The following SRGAP2 variants were observed in gnomAD, a reference collection of about 807,000 sequenced individuals.
SRGAP2 encodes the protein SLIT-ROBO Rho GTPase-activating protein 2.
In SRGAP2, 15 loss-of-function variants were observed where a neutral mutation model predicts 57.2. That is an observed-to-expected ratio of 0.26 (90% CI 0.18 to 0.40). SRGAP2 has a LOEUF of 0.40. SRGAP2 is among the 10% of genes least tolerant of loss of function. SRGAP2 has a pLI of 1.00. For missense variants in SRGAP2, 520 were observed against 669.6 expected (o/e 0.78, Z 2.47); for synonymous variants, 249 against 248.0 (o/e 1.00, Z -0.04).
At chr1:206,365,537 C>T (rs1427822237) in intron 4 of SRGAP2, among the ~76,000 whole-genome samples, 3 of 145,200 alleles carry the variant, frequency 2.1e-5, no homozygotes, top group African/African-American at 5.2e-5. Context: ...GATAGATTGT[C>T]TGAGTTCCCT....
chr1:206,332,989 T>G (rs1674484364), intron 3 of SRGAP2, among the ~76,000 whole-genome samples: 1 of 151,660 alleles, frequency 6.6e-6, no homozygotes, highest in South Asian at 2.1e-4. Context: ...GGGTTTTCGG[T>G]GTGGATGTCC....
intron 4 of SRGAP2, among the ~76,000 whole-genome samples, chr1:206,373,050 C>CTT (rs1654847174): frequency 9.4e-6 from 1 of 106,840 alleles, no homozygotes; most frequent in Non-Finnish European, 1.9e-5. Context: ...CTCTCTCTTT[C>CTT]TCTCTCTCTC....
rs1248282692 is a variant in SRGAP2 at position 206,333,191 on chromosome 1, G to A, written c.261-9655G>A. ...TCTCAGATCTCCAGCTGCGTGCTGG[G>A]AGAACCACTGCTCTCTTCAAAGCTC... On this transcript the variant is annotated intron_variant, in intron 3 of 22. Coordinates refer to ENST00000573034, the MANE Select transcript of SRGAP2 (RefSeq NM_015326.5). 22 of 482,514 alleles carry A rather than the reference G, an allele frequency of 4.6e-5. No homozygotes were observed. In the East Asian group the frequency reaches 8.2e-4, roughly 18 times the overall value. 29.9% of individuals were successfully genotyped at this position (482,514 alleles called of 1,614,324 possible). A position where few individuals can be genotyped will look rare whatever the true frequency, so the allele number is the denominator to read the frequency against.
chr1:206,449,286 A>ATTTTTTTGTTTTTTTTTTTTTT (rs1489255492), intron 18 of SRGAP2, among the ~76,000 whole-genome samples: 10 of 110,680 alleles, frequency 9.0e-5, no homozygotes, highest in Admixed American at 1.8e-4. Context: ...ACACTGGATG[A>ATTTTTTTGTTTTTTTTTTTTTT]TTTTTTTTTT....
intron 2 of SRGAP2, among the ~76,000 whole-genome samples, chr1:206,241,623 G>A (rs1333735295): frequency 1.1e-4 from 16 of 151,900 alleles, no homozygotes; most frequent in African/African-American, 3.1e-4. Context: ...TTCTACTTCC[G>A]AAGCAGTATG....
intron 22 of SRGAP2, 144 bp from the exon 23 acceptor site, chr1:206,460,893 A>G (rs1409153525): frequency 2.1e-6 from 1 of 480,712 alleles, no homozygotes; most frequent in Non-Finnish European, 3.7e-6. Flanking sequence ...CTGAGCATTC[A>G]TATGTTCAAA....
intron 8 of SRGAP2, among the ~76,000 whole-genome samples, chr1:206,404,495 C>G (rs1553356841): frequency 4.6e-5 from 7 of 151,130 alleles, no homozygotes; most frequent in Non-Finnish European, 1.5e-5. Flanking sequence ...CCTTCTGCTC[C>G]TCATCTGTCA....
At chr1:206,213,686 G>T (rs1464983051) in intron 2 of SRGAP2, among the ~76,000 whole-genome samples, 1 of 152,150 alleles carries the variant, frequency 6.6e-6, no homozygotes, top group African/African-American at 2.4e-5. Context: ...TTGAGAGGCC[G>T]AGGCAGACGG....
At chr1:206,429,062 C>G (rs1472922491) in intron 13 of SRGAP2, among the ~76,000 whole-genome samples, 1 of 152,208 alleles carries the variant, frequency 6.6e-6, no homozygotes, top group Non-Finnish European at 1.5e-5. Context: ...TTAAATTCCT[C>G]TATAAATGGT....
intron 4 of SRGAP2, among the ~76,000 whole-genome samples, chr1:206,377,010 A>G (rs574302888): frequency 0.015 from 2,296 of 152,254 alleles, 66 homozygotes; most frequent in African/African-American, 0.053. Flanking sequence ...GCACAAAGCA[A>G]TGGGCTGGGT....
intron 2 of SRGAP2, among the ~76,000 whole-genome samples, chr1:206,274,887 A>G: frequency 6.8e-6 from 1 of 146,016 alleles, no homozygotes; most frequent in East Asian, 2.1e-4. Flanking sequence ...GGGTCCAAAA[A>G]TGCTGTTAAG....
At chr1:206,278,230 T>C (rs1166942862) in intron 2 of SRGAP2, among the ~76,000 whole-genome samples, 1 of 150,556 alleles carries the variant, frequency 6.6e-6, no homozygotes, top group African/African-American at 2.4e-5. Flanking sequence ...ATAAACATGA[T>C]GAATATATAA....
intron 10 of SRGAP2, among the ~76,000 whole-genome samples, chr1:206,413,914 T>C (rs2103207466): frequency 6.6e-6 from 1 of 152,242 alleles, no homozygotes; most frequent in East Asian, 1.9e-4. Context: ...CAGATTTTTC[T>C]TTTGTTTTTA....
At chr1:206,422,101 A>G (rs141356991) in intron 13 of SRGAP2, among the ~76,000 whole-genome samples, 160 of 152,334 alleles carry the variant, frequency 1.1e-3, no homozygotes, top group Non-Finnish European at 2.0e-3. Flanking sequence ...GTGTCTGCTC[A>G]GGGGAAAGCT....
chr1:206,418,914 GTGTGTGTGTGTGTGTGTGTGTGTA>G (rs1660027212), intron 11 of SRGAP2, among the ~76,000 whole-genome samples: 1 of 151,756 alleles, frequency 6.6e-6, no homozygotes, highest in South Asian at 2.1e-4. Context: ...GTGTGTGTGT[GTGTGTGTGTGTGTGTGTGTGTGTA>G]TACTCAGGAG....
At chr1:206,425,002 G>A (rs1572120705) in intron 13 of SRGAP2, among the ~76,000 whole-genome samples, 1 of 152,344 alleles carries the variant, frequency 6.6e-6, no homozygotes, top group Admixed American at 6.5e-5. Flanking sequence ...CGGACATGCA[G>A]GTTAATATTT....
intron 2 of SRGAP2, among the ~76,000 whole-genome samples, chr1:206,291,563 A>G (rs1461116800): frequency 3.3e-5 from 5 of 151,710 alleles, no homozygotes; most frequent in East Asian, 1.9e-4. Context: ...AATGCGGTCT[A>G]TCCTCTTAAT....
chr1:206,440,000 C>G lies in SRGAP2; in HGVS notation c.1793C>G (p.Ala598Gly), dbSNP rs1662131005. The G allele has an allele frequency of 1.3e-6, 1 of 780,862 alleles. No individual in the cohort carries two copies. The allele number at this position is 780,862 out of a possible 1,614,324, so 48.4% of individuals were successfully genotyped here. A position where few individuals can be genotyped will look rare whatever the true frequency, so the allele number is the denominator to read the frequency against. ...GCAATGGACAACCTGCAGGAGAGAGCTCTGCACATCCGGAAAGTCCTCCTA... is the reference window on the plus strand; with the variant it reads ...GCAATGGACAACCTGCAGGAGAGAGGTCTGCACATCCGGAAAGTCCTCCTA... Reference protein sequence around the residue: ...CVTMDNLQERALHIRKVLLVL... With the variant: ...CVTMDNLQERGLHIRKVLLVL... The change falls in exon 17 of 23, where the codon GCT becomes GGT. Residue 598 changes from alanine (A) to glycine (G), a missense_variant. Coordinates refer to ENST00000573034, the MANE Select transcript of SRGAP2 (RefSeq NM_015326.5).
intron 2 of SRGAP2, among the ~76,000 whole-genome samples, chr1:206,275,650 C>T (rs1285514650): frequency 4.1e-5 from 6 of 147,544 alleles, no homozygotes; most frequent in African/African-American, 1.5e-4. Flanking sequence ...GAGTCTCACT[C>T]TGTCACCAGG....
Sources: allele counts gnomAD v4.1 joint callset (sites outside exome capture counted in the v4.1 genomes callset), GRCh38; gene constraint gnomAD v4.1.1; transcripts MANE v1.5; gene names NCBI Gene and HGNC (gene_info 2026-07-23, HGNC 2026-07-21).